GLP2R: variants seen among roughly 807,000 people sequenced by gnomAD.
GLP2R encodes glucagon-like peptide 2 receptor.
In GLP2R, 59 loss-of-function variants were observed where a neutral mutation model predicts 68.2. The ratio of observed to expected loss-of-function variants is 0.87; its 90% confidence interval spans 0.70 to 1.07. The LOEUF is 1.07. Ranked by LOEUF, GLP2R falls within the 50% of genes least tolerant of loss-of-function variation. The probability of loss-of-function intolerance (pLI) is 0.00; values close to 1 mark genes in which losing one functional copy is unlikely to be tolerated. For synonymous variants in GLP2R, 270 were observed against 265.4 expected (o/e 1.02, Z -0.17); for missense variants, 548 against 677.4 (o/e 0.81, Z 2.12).
chr17:9,887,347 T>C (rs1440900766), intron 11 of GLP2R, among the ~76,000 whole-genome samples: 1 of 151,922 alleles, frequency 6.6e-6, no homozygotes, highest in East Asian at 1.9e-4. Context: ...CCCAACATGG[T>C]GAAACCCCGT....
At chr17:9,836,036 C>T (rs1170325090) in intron 2 of GLP2R, among the ~76,000 whole-genome samples, 1 of 76,412 alleles carries the variant, frequency 1.3e-5, no homozygotes, top group Non-Finnish European at 2.2e-5. Flanking sequence ...GAGACTCCAT[C>T]TCCAAAAAAA....
chr17:9,876,903 T>C (rs953723941), intron 10 of GLP2R, among the ~76,000 whole-genome samples: 5 of 152,258 alleles, frequency 3.3e-5, no homozygotes, highest in African/African-American at 4.8e-5. Context: ...TTATCGTGTG[T>C]CAGATACCAT....
chr17:9,833,391 T>C (rs528712707), intron 1 of GLP2R, among the ~76,000 whole-genome samples: 10 of 152,300 alleles, frequency 6.6e-5, no homozygotes, highest in Non-Finnish European at 1.3e-4. Flanking sequence ...GACCTGCAGA[T>C]ACCTGGGCAA....
intron 10 of GLP2R, among the ~76,000 whole-genome samples, chr17:9,873,631 A>G (rs998676783): frequency 7.6e-6 from 1 of 132,232 alleles, no homozygotes; most frequent in East Asian, 2.1e-4. Flanking sequence ...GCCCAGGACA[A>G]CTCTTCTTCT....
chr17:9,839,994 T>TC (rs1257198304), intron 3 of GLP2R, among the ~76,000 whole-genome samples: 2 of 151,502 alleles, frequency 1.3e-5, no homozygotes, highest in African/African-American at 4.8e-5. Context: ...TTTTTTTTTT[T>TC]TTTTGGAGAC....
chr17:9,886,499 T>G (rs1401425430), intron 11 of GLP2R, among the ~76,000 whole-genome samples: 1 of 152,242 alleles, frequency 6.6e-6, no homozygotes, highest in Non-Finnish European at 1.5e-5. Flanking sequence ...GCTCTTCTGA[T>G]ATCATGTGCC....
chr17:9,866,602 A>G (rs887073161), intron 9 of GLP2R: 3 of 152,246 alleles, frequency 2.0e-5, no homozygotes, highest in Non-Finnish European at 4.4e-5. Flanking sequence ...TGCCATGTAG[A>G]GCTTCCTTAG....
intron 11 of GLP2R, among the ~76,000 whole-genome samples, chr17:9,887,683 A>C (rs2139886): frequency 0.044 from 6,702 of 152,314 alleles, 501 homozygotes; most frequent in African/African-American, 0.15. Flanking sequence ...GAACAATCTA[A>C]GCAAACACCT....
chr17:9,852,854 A>AT (rs1319983156), intron 4 of GLP2R: 2 of 380,744 alleles, frequency 5.3e-6, no homozygotes, highest in East Asian at 5.7e-5. Context: ...GGAAGTTTTA[A>AT]TTTTTTCTGT....
At chr17:9,876,948 A>T (rs1228575482) in intron 10 of GLP2R, among the ~76,000 whole-genome samples, 1 of 152,222 alleles carries the variant, frequency 6.6e-6, no homozygotes, top group Non-Finnish European at 1.5e-5. Context: ...TATTTGTTTA[A>T]TCCTTGTGAC....
At chr17:9,880,576 G>A (rs1299625015) in intron 11 of GLP2R, 60 bp downstream of exon 11, 15 of 1,199,006 alleles carry the variant, frequency 1.3e-5, no homozygotes, top group Non-Finnish European at 1.5e-5. Context: ...GCATGTGGCC[G>A]AAACAGGCTC....
intron 2 of GLP2R, among the ~76,000 whole-genome samples, chr17:9,835,726 C>T (rs529966407): frequency 3.4e-4 from 51 of 151,994 alleles, no homozygotes; most frequent in Non-Finnish European, 7.2e-4. Context: ...CCTCCTGTCC[C>T]CAAGTTTCTG....
At chr17:9,852,848 G>T in intron 4 of GLP2R, 2 of 369,102 alleles carry the variant, frequency 5.4e-6, no homozygotes, top group East Asian at 5.9e-5. Flanking sequence ...TCAGCAGGAA[G>T]TTTTAATTTT....
At chr17:9,870,367 G>A (rs1270637802) in intron 9 of GLP2R, among the ~76,000 whole-genome samples, 4 of 152,258 alleles carry the variant, frequency 2.6e-5, no homozygotes, top group Middle Eastern at 3.4e-3. Context: ...TACTCAATAC[G>A]TGGTAGTTAA....
At chr17:9,842,449 G>T (rs773505312) in intron 3 of GLP2R, 46 bp from the exon 4 acceptor site, 2 of 1,612,078 alleles carry the variant, frequency 1.2e-6, no homozygotes, top group Middle Eastern at 3.4e-4. Context: ...TCAGGGGAAC[G>T]GGCTGTGTGT....
At chr17:9,836,628 T>C (rs1757215555) in intron 3 of GLP2R, among the ~76,000 whole-genome samples, 153 bp downstream of exon 3, 1 of 152,104 alleles carries the variant, frequency 6.6e-6, no homozygotes, top group African/African-American at 2.4e-5. Context: ...TATGTATGTA[T>C]GTATATATTT....
intron 4 of GLP2R, among the ~76,000 whole-genome samples, chr17:9,842,817 A>C (rs1180059754): frequency 6.6e-6 from 1 of 152,164 alleles, no homozygotes; most frequent in Admixed American, 6.5e-5. Context: ...TGACATGCAA[A>C]ATCCTAAGAG....
intron 1 of GLP2R, among the ~76,000 whole-genome samples, chr17:9,828,453 T>C (rs1597373275): frequency 6.6e-6 from 1 of 152,200 alleles, no homozygotes; most frequent in East Asian, 1.9e-4. Context: ...GTAGTTTTGT[T>C]CACAAATGTG....
Position 9,828,216 on chromosome 17 carries a change from T to C in GLP2R, c.189+1964T>C, listed in dbSNP as rs139539503. ...CCTTCAGGCCCTCATGGATTGTAAA[T>C]GTGAGCCCAATCAATGGTTTCATGG... On this transcript the variant is annotated intron_variant, in intron 1 of 12. Transcript: ENST00000262441. Among the ~76,000 whole-genome samples, 172 of 152,276 alleles carry C rather than the reference T, an allele frequency of 1.1e-3. 1 individual carries two copies. The highest frequency in any genetic ancestry group is 4.0e-3 in the African/African-American group (166 of 41,570).
Sources: gnomAD v4.1 joint callset for allele counts (sites outside exome capture counted in the v4.1 genomes callset) on GRCh38, gnomAD v4.1.1 for gene constraint, MANE v1.5 for transcripts, NCBI Gene and HGNC (gene_info 2026-07-23, HGNC 2026-07-21) for gene names.